Variants in DENND5B observed in about 807,000 individuals in gnomAD.
DENND5B encodes the protein DENN domain containing 5B.
DENND5B carries 34 observed loss-of-function variants against 140.6 expected under a neutral mutation model. The observed-to-expected ratio is 0.24, with a 90% CI of 0.18 to 0.32. The LOEUF (loss-of-function observed/expected upper bound fraction) is 0.32. DENND5B is among the 10% of genes least tolerant of loss of function. The pLI is 1.00. For synonymous variants in DENND5B, 551 were observed against 562.1 expected, an observed-to-expected ratio of 0.98 and a Z score of 0.28; for missense variants, 1,142 against 1,560.2, an observed-to-expected ratio of 0.73 and a Z score of 4.52.
chr12:31,423,722 A>G (rs1565564751), intron 10 of DENND5B, 47 bp from the exon 11 acceptor site: 20 of 1,579,070 alleles, frequency 1.3e-5, no homozygotes, highest in African/African-American at 2.7e-5. Context: ...TAATTCATCA[A>G]AAAATAATTT....
At chr12:31,389,968 G>A (rs935562869) in intron 19 of DENND5B, among the ~76,000 whole-genome samples, 3 of 151,506 alleles carry the variant, frequency 2.0e-5, no homozygotes, top group African/African-American at 7.3e-5. Context: ...CACATGAGAA[G>A]CAGAAGCAAT....
At chr12:31,549,839 G>T (rs1948981610) in intron 1 of DENND5B, among the ~76,000 whole-genome samples, 1 of 152,012 alleles carries the variant, frequency 6.6e-6, no homozygotes. Flanking sequence ...GAGGATAATG[G>T]CTCCCAGGTC....
At chr12:31,574,267 A>AATAAT (rs1555175967) in intron 1 of DENND5B, among the ~76,000 whole-genome samples, 1 of 89,702 alleles carries the variant, frequency 1.1e-5, no homozygotes. Flanking sequence ...TGTCTCTAAA[A>AATAAT]AATAATAATA....
chr12:31,566,589 C>T (rs1397834628), intron 1 of DENND5B, among the ~76,000 whole-genome samples: 1 of 151,858 alleles, frequency 6.6e-6, no homozygotes. Context: ...GGCCACATAG[C>T]AGGACCAGGT....
At chr12:31,390,912 TG>T (rs1195205333) in intron 19 of DENND5B, among the ~76,000 whole-genome samples, 1 of 149,356 alleles carries the variant, frequency 6.7e-6, no homozygotes, top group East Asian at 2.0e-4. Flanking sequence ...AGCTAATCAG[TG>T]GCTGGGGCAG....
chr12:31,459,531 G>A (rs779668782), intron 4 of DENND5B, among the ~76,000 whole-genome samples: 3 of 152,024 alleles, frequency 2.0e-5, no homozygotes, highest in African/African-American at 4.8e-5. Flanking sequence ...CTTGTGATCC[G>A]CCCACCTTGG....
chr12:31,571,615 CA>C (rs201964794), intron 1 of DENND5B, among the ~76,000 whole-genome samples: 2,941 of 83,916 alleles, frequency 0.035, 52 homozygotes, highest in South Asian at 0.078. Context: ...TTAAAAGCCA[CA>C]ATTTTTTTTT....
chr12:31,442,320 C>T (rs1003400254), intron 7 of DENND5B, among the ~76,000 whole-genome samples: 3 of 152,146 alleles, frequency 2.0e-5, no homozygotes, highest in South Asian at 4.1e-4. Flanking sequence ...TCGAAGGGAG[C>T]GTGGCCCTGC....
At chr12:31,587,852 C>T (rs78414747) in intron 1 of DENND5B, among the ~76,000 whole-genome samples, 3,113 of 152,210 alleles carry the variant, frequency 0.02, 56 homozygotes, top group South Asian at 0.051. Flanking sequence ...CAGCCTCTCA[C>T]CTCAAATACT....
intron 4 of DENND5B, 128 bp from the exon 5 acceptor site, chr12:31,452,604 GC>G: frequency 1.0e-6 from 1 of 984,848 alleles, no homozygotes; most frequent in South Asian, 1.9e-5. Context: ...CAAAAGGATC[GC>G]TTGAGCCCAG....
chr12:31,512,896 C>T lies in DENND5B; in HGVS notation c.128-16977G>A, dbSNP rs147206047. Among the ~76,000 whole-genome samples, 642 of 152,242 alleles carry T rather than the reference C, an allele frequency of 4.2e-3. 5 individuals carry two copies. Among genetic ancestry groups the T allele is most frequent in the African/African-American group, 0.014 (576 of 41,532 alleles). ...ACATTAGTACATTTATTAAAATTAA[C>T]GACCAGTATTTGGTACATTATTAGC... On this transcript the variant is annotated intron_variant, in intron 1 of 20. Transcript: ENST00000389082.
intron 1 of DENND5B, among the ~76,000 whole-genome samples, chr12:31,533,478 G>A (rs570465686): frequency 5.9e-5 from 9 of 152,198 alleles, no homozygotes; most frequent in East Asian, 1.9e-4. Flanking sequence ...TGTGGTTTCA[G>A]CCTCAATATA....
rs777232328 is a variant in DENND5B at position 31,387,718 on chromosome 12, T to C, written c.3710A>G (p.Glu1237Gly). 6 of 1,613,924 alleles carry C rather than the reference T, an allele frequency of 3.7e-6. No homozygotes were observed. The Admixed American group carries it at 1.0e-4, about 27-fold the overall frequency. The part of the protein sequence containing the change: ...ECPAITRMYE[E>G]SALLRDRMTV... ...CATGCGGTCTCGCAGGAGAGCGCTC[T>C]CTTCATACATTCGAGTGATGGCAGG... The change falls in exon 21 of 21, where the codon GAG becomes GGG. Residue 1237 changes from glutamate (E) to glycine (G), a missense_variant. Physicochemically the swap from Glu to Gly is moderately conservative, Grantham distance 98. Coordinates refer to ENST00000389082, the MANE Select transcript of DENND5B (RefSeq NM_144973.4).
At chr12:31,399,150 GAGAA>G (rs1941654403) in intron 16 of DENND5B, among the ~76,000 whole-genome samples, 2 of 68,422 alleles carry the variant, frequency 2.9e-5, no homozygotes, top group East Asian at 4.8e-4. Context: ...AAAAAAGAGA[GAGAA>G]AGAAAAAAAA....
At chr12:31,390,989 C>G (rs1941111082) in intron 19 of DENND5B, among the ~76,000 whole-genome samples, 1 of 152,192 alleles carries the variant, frequency 6.6e-6, no homozygotes, top group Admixed American at 6.5e-5. Flanking sequence ...GCACTCCAGC[C>G]TGGGCAGTAG....
intron 19 of DENND5B, among the ~76,000 whole-genome samples, chr12:31,390,906 A>C (rs551915521): frequency 2.0e-5 from 3 of 151,436 alleles, no homozygotes; most frequent in Non-Finnish European, 2.9e-5. Context: ...AATCCCAGCT[A>C]ATCAGTGGCT....
intron 2 of DENND5B, among the ~76,000 whole-genome samples, chr12:31,487,519 G>A (rs1386054780): frequency 6.6e-6 from 1 of 152,092 alleles, no homozygotes; most frequent in East Asian, 1.9e-4. Flanking sequence ...TGGGCAACAT[G>A]ACGAAACCCT....
chr12:31,453,743 GA>G (rs1452038057), intron 4 of DENND5B, among the ~76,000 whole-genome samples: 5 of 152,130 alleles, frequency 3.3e-5, no homozygotes, highest in Non-Finnish European at 7.3e-5. Context: ...GGGGAAAGGG[GA>G]AAGCAACCAG....
intron 2 of DENND5B, among the ~76,000 whole-genome samples, chr12:31,494,181 T>TATCTATCCATCCATCC (rs1268264034): frequency 1.2e-5 from 1 of 85,698 alleles, no homozygotes; most frequent in African/African-American, 4.6e-5. Context: ...TCTATCTATC[T>TATCTATCCATCCATCC]ATCCATCCAT....
Sources: gnomAD v4.1 joint callset for allele counts (sites outside exome capture counted in the v4.1 genomes callset) on GRCh38, gnomAD v4.1.1 for gene constraint, MANE v1.5 for transcripts, NCBI Gene and HGNC (gene_info 2026-07-23, HGNC 2026-07-21) for gene names.